NHSL1: variants seen among roughly 807,000 people sequenced by gnomAD.
The protein encoded by NHSL1 is NHS-like protein 1.
Under a neutral mutation model 95.0 loss-of-function variants are expected in NHSL1, and 48 were observed. The observed-to-expected ratio is 0.51, with a 90% CI of 0.40 to 0.64. NHSL1 has a LOEUF of 0.64. Ranked by LOEUF, NHSL1 falls within the 30% of genes least tolerant of loss-of-function variation. NHSL1 has a pLI of 0.00. For synonymous variants in NHSL1, 783 were observed against 833.9 expected (o/e 0.94, Z 1.05); for missense variants, 1,971 against 2,077.7 (o/e 0.95, Z 1.00).
intron 3 of NHSL1, among the ~76,000 whole-genome samples, chr6:138,453,310 C>T (rs937980152): frequency 1.4e-4 from 21 of 151,896 alleles, no homozygotes; most frequent in African/African-American, 4.8e-4. Flanking sequence ...ATATTAGTCC[C>T]TTTACCTCAA....
rs1301221628 is a variant in NHSL1, at chr6:138,432,822, T to G, written c.1523A>C (p.Asn508Thr). Residue 508 changes from asparagine to threonine, a missense_variant, in exon 6 of 8, where the codon AAT (asparagine) becomes ACT (threonine). This residue lies in a region of NHSL1 where 1,602 missense variants were observed against 1,654.5 expected (regional missense o/e 0.97). Transcript: ENST00000343505. The surrounding 1 kb of genome is among the most constrained non-coding windows in gnomAD (Gnocchi z 4.4). The stretch of plus-strand genomic sequence containing the variant: ...CATAGCTTGGGACCCATTCTCCCTA[T>G]TTGCTGGAGCATTTAGAGGGACGGC... ...DSAVPLNAPANRENGSQAMPY... is the reference protein window; with the variant it reads ...DSAVPLNAPATRENGSQAMPY... 1.3e-6 allele frequency: 2 copies of G among 1,551,520 alleles called. No individual in the cohort carries two copies. The highest frequency in any genetic ancestry group is 2.7e-5 in the African/African-American group (2 of 73,018).
At chr6:138,555,567 C>G (rs1358540103) in intron 1 of NHSL1, among the ~76,000 whole-genome samples, 2 of 152,148 alleles carry the variant, frequency 1.3e-5, no homozygotes, top group Non-Finnish European at 2.9e-5. Context: ...TTTCTTTTTC[C>G]TCTTTCATTC....
chr6:138,596,772 G>C (rs564984900), intron 1 of NHSL1, among the ~76,000 whole-genome samples: 26 of 152,048 alleles, frequency 1.7e-4, no homozygotes, highest in African/African-American at 6.0e-4. Flanking sequence ...GGCGGGGGTG[G>C]GGGGGAAGTT....
chr6:138,532,158 G>C (rs1782161891), intron 1 of NHSL1, among the ~76,000 whole-genome samples: 2 of 152,224 alleles, frequency 1.3e-5, no homozygotes, highest in Non-Finnish European at 1.5e-5. Flanking sequence ...CCTCAAGGCA[G>C]AGGGTCCTGG....
In NHSL1 at chr6:138,424,249, G is replaced by A; in HGVS notation, c.4653C>T (p.Ser1551=). The A allele has an allele frequency of 1.3e-6, 2 of 1,505,830 alleles. No individual in the cohort carries two copies. The highest frequency in any genetic ancestry group is 1.4e-5 in the African/African-American group (1 of 71,760). The allele number at this position is 1,505,830 out of a possible 1,614,324, so 93.3% of individuals were successfully genotyped here. Residue 1551 remains serine (S), a synonymous_variant, in exon 8 of 8, where the codon TCC becomes TCT. Coordinates refer to ENST00000343505, the MANE Select transcript of NHSL1 (RefSeq NM_001144060.2). This position sits in a 1 kb window ranked among gnomAD's most constrained non-coding sequence, Gnocchi z 5.9. The part of the protein sequence containing the change: ...RGALGAAEGC[S]LDGLAREEMD... ...TCTCCTCCCTCGCCAGTCCGTCCAG[G>A]GAACATCCCTCCGCAGCGCCCAGAG...
At position 138,430,503 on chromosome 6, in the gene NHSL1, G is replaced by A. The variant is rs531785320; in HGVS notation, c.3842C>T (p.Pro1281Leu). The change falls in exon 6 of 8, where the codon CCC becomes CTC. Residue 1281 changes from proline to leucine, a missense_variant. Transcript: ENST00000343505. This position sits in a 1 kb window ranked among gnomAD's most constrained non-coding sequence, Gnocchi z 4.7. ...MSPSRVEANV[P>L]MVQPDVSPAP... ...TGGTGAGACATCAGGCTGAACCATG[G>A]GGACATTGGCTTCCACTCTGCTGGG... 1.3e-6 allele frequency: 2 copies of A among 1,551,422 alleles called. No individual in the cohort carries two copies. Among genetic ancestry groups the A allele is most frequent in the East Asian group, 2.4e-5 (1 of 40,890 alleles).
chr6:138,449,416 C>T (rs112043863), intron 3 of NHSL1, among the ~76,000 whole-genome samples: 6 of 152,260 alleles, frequency 3.9e-5, no homozygotes, highest in African/African-American at 1.4e-4. Context: ...GTGGCTCATG[C>T]CTGTAATCCC....
intron 2 of NHSL1, among the ~76,000 whole-genome samples, chr6:138,490,287 A>G (rs1182742782): frequency 6.6e-6 from 1 of 152,074 alleles, no homozygotes; most frequent in Admixed American, 6.5e-5. Context: ...CTCTCAATCA[A>G]TGTCCACAGG....
chr6:138,466,402 C>T (rs540621507), intron 3 of NHSL1, among the ~76,000 whole-genome samples: 2 of 152,334 alleles, frequency 1.3e-5, no homozygotes, highest in East Asian at 3.9e-4. Context: ...GTTTCTAAAA[C>T]ATTCTTCCAG....
intron 7 of NHSL1, among the ~76,000 whole-genome samples, chr6:138,425,017 C>T (rs193150020): frequency 6.6e-6 from 1 of 151,874 alleles, no homozygotes; most frequent in East Asian, 1.9e-4. Flanking sequence ...ATCACTTGAG[C>T]TTAGGAGTTC....
rs538841676 is a variant in NHSL1, at chr6:138,629,123, A to G, written c.96+63353T>C. On this transcript the variant is annotated intron_variant, in intron 1 of 3. Coordinates refer to the NHSL1 transcript ENST00000491526. ...AAGTGCTGAAATTCAAATAATCTTA[A>G]GTTCTGCCGCCTGTACACATAGGAA... 2.4e-4 allele frequency among the ~76,000 whole-genome samples: 37 copies of G among 152,308 alleles called. No homozygotes were observed. In the South Asian group the frequency reaches 7.5e-3, roughly 31 times the overall value.
At chr6:138,660,898 C>T (rs1785218506) in intron 1 of NHSL1, among the ~76,000 whole-genome samples, 1 of 152,064 alleles carries the variant, frequency 6.6e-6, no homozygotes, top group Admixed American at 6.6e-5. Flanking sequence ...TCGAGATCAG[C>T]CTGGCCAACA....
At chr6:138,457,034 C>T (rs1562289687) in intron 3 of NHSL1, among the ~76,000 whole-genome samples, 1 of 152,044 alleles carries the variant, frequency 6.6e-6, no homozygotes, top group African/African-American at 2.4e-5. Context: ...GTGCATGCCA[C>T]CACGCCTGGC....
At chr6:138,488,878 T>G (rs1442661126) in intron 2 of NHSL1, among the ~76,000 whole-genome samples, 2 of 152,182 alleles carry the variant, frequency 1.3e-5, no homozygotes, top group Non-Finnish European at 2.9e-5. Context: ...CCAGGAACCC[T>G]TAACTTCTCT....
chr6:138,630,272 A>AT (rs2114656470), intron 1 of NHSL1, among the ~76,000 whole-genome samples: 2 of 152,108 alleles, frequency 1.3e-5, no homozygotes, highest in African/African-American at 4.8e-5. Context: ...TACGTTGATT[A>AT]TTTTTTTCAA....
At position 138,423,898 on chromosome 6, in the gene NHSL1, C is replaced by T. The variant is rs907888194; in HGVS notation, c.*183G>A. On this transcript the variant is annotated 3_prime_UTR_variant, in exon 8 of 8. Coordinates refer to ENST00000343505, the MANE Select transcript of NHSL1 (RefSeq NM_001144060.2). ...TTCTACTTGTTCTTAAGCCACAGGGCAAGTGCCAGGTGAGTCCTAAATAAC... is the reference window on the plus strand; with the variant it reads ...TTCTACTTGTTCTTAAGCCACAGGGTAAGTGCCAGGTGAGTCCTAAATAAC... 3 of 442,262 alleles carry T rather than the reference C, an allele frequency of 6.8e-6. No homozygotes were observed. The highest frequency in any genetic ancestry group is 6.2e-5 in the African/African-American group (3 of 48,758). The allele number at this position is 442,262 out of a possible 1,614,324, so 27.4% of individuals were successfully genotyped here.
At position 138,424,104 on chromosome 6, in the gene NHSL1, C is replaced by T. The variant is rs1190826929; in HGVS notation, c.4798G>A (p.Gly1600Ser). ...CCCTAACTCTCCTCGCTCAGAGAAC[C>T]GCCACACTGTGGGGAGGGCTCTCTG... ...EGREPSPQCG[G>S]SLSEES The change falls in exon 8 of 8, where the codon GGT becomes AGT. Residue 1600 changes from glycine to serine, a missense_variant. Gly to Ser is a moderately conservative substitution (Grantham distance 56). Coordinates refer to ENST00000343505, the MANE Select transcript of NHSL1 (RefSeq NM_001144060.2). The surrounding 1 kb of genome is among the most constrained non-coding windows in gnomAD (Gnocchi z 5.9). The T allele has an allele frequency of 2.8e-6, 4 of 1,407,300 alleles. No individual in the cohort carries two copies. Among genetic ancestry groups the T allele is most frequent in the Non-Finnish European group, 3.7e-6 (4 of 1,082,210 alleles). 87.2% of individuals were successfully genotyped at this position (1,407,300 alleles called of 1,614,324 possible). A position where few individuals can be genotyped will look rare whatever the true frequency, so the allele number is the denominator to read the frequency against.
At chr6:138,643,972 G>A (rs1345183656) in intron 1 of NHSL1, among the ~76,000 whole-genome samples, 1 of 149,656 alleles carries the variant, frequency 6.7e-6, no homozygotes, top group Non-Finnish European at 1.5e-5. Context: ...CACTCCACCC[G>A]GGCAACAGAG....
chr6:138,626,241 C>T (rs140538781), intron 1 of NHSL1, among the ~76,000 whole-genome samples: 2 of 152,288 alleles, frequency 1.3e-5, no homozygotes, highest in East Asian at 1.9e-4. Context: ...CTGATCAGTC[C>T]ACTTGCTTGA....
Sources: gnomAD v4.1 joint callset for allele counts (sites outside exome capture counted in the v4.1 genomes callset) on GRCh38, gnomAD v4.1.1 for gene constraint, gnomAD v4.1.1 regional missense constraint, Gnocchi (gnomAD v3.1) non-coding constraint, MANE v1.5 for transcripts, NCBI Gene and HGNC (gene_info 2026-07-23, HGNC 2026-07-21) for gene names.